BTBD9: variants seen among roughly 807,000 people sequenced by gnomAD.
BTBD9 encodes BTB domain containing 9.
Under a neutral mutation model 64.3 loss-of-function variants are expected in BTBD9, and 49 were observed. The observed-to-expected ratio is 0.76, with a 90% CI of 0.61 to 0.97. The LOEUF (loss-of-function observed/expected upper bound fraction) is 0.97, where lower values mean the gene tolerates loss of function less well. Among genes scored for constraint, BTBD9 ranks in the 50% least tolerant of loss-of-function variants. The pLI, the probability that BTBD9 is intolerant of heterozygous loss-of-function variation, is 0.00. For synonymous variants in BTBD9, 260 were observed against 274.7 expected (o/e 0.95, Z 0.53); for missense variants, 598 against 762.1 (o/e 0.78, Z 2.53).
chr6:38,380,837 C>T (rs958353295), intron 6 of BTBD9, among the ~76,000 whole-genome samples: 4 of 151,994 alleles, frequency 2.6e-5, no homozygotes, highest in Non-Finnish European at 4.4e-5. Flanking sequence ...AGAGCGAGAC[C>T]CTGTCTCTAC....
At position 38,168,812 on chromosome 6, in the gene BTBD9, C is replaced by T. The variant is rs2127463612; in HGVS notation, c.*6173G>A. ...GAATCCGGATTCAAGACAGGCTTCG[C>T]AAAAGCAGCTCTTGGGCCGAGCTCC... On this transcript the variant is annotated 3_prime_UTR_variant, in exon 11 of 11. Coordinates refer to ENST00000481247, the MANE Select transcript of BTBD9 (RefSeq NM_001099272.2). 1 of 152,396 alleles carries T rather than the reference C, an allele frequency of 6.6e-6. No homozygotes were observed. Among genetic ancestry groups the T allele is most frequent in the South Asian group, 2.1e-4 (1 of 4,832 alleles). The allele number at this position is 152,396 out of a possible 1,614,324, so 9.4% of individuals were successfully genotyped here.
At chr6:38,369,580 C>G (rs1425268850) in intron 6 of BTBD9, among the ~76,000 whole-genome samples, 2 of 152,164 alleles carry the variant, frequency 1.3e-5, no homozygotes, top group African/African-American at 4.8e-5. Context: ...TGATTGCTCT[C>G]GTGAACAAAA....
At chr6:38,228,841 T>G (rs1763502038) in intron 9 of BTBD9, among the ~76,000 whole-genome samples, 1 of 150,490 alleles carries the variant, frequency 6.6e-6, no homozygotes, top group Admixed American at 6.6e-5. Flanking sequence ...GCCACTGTAC[T>G]CCAGCCCAGC....
At chr6:38,350,905 C>G (rs1764477845) in intron 6 of BTBD9, among the ~76,000 whole-genome samples, 1 of 152,192 alleles carries the variant, frequency 6.6e-6, no homozygotes. Context: ...AGATTATACA[C>G]AAATAATTCT....
At chr6:38,515,342 C>A (rs1772973223) in intron 6 of BTBD9, among the ~76,000 whole-genome samples, 1 of 152,212 alleles carries the variant, frequency 6.6e-6, no homozygotes, top group East Asian at 1.9e-4. Context: ...ATGACAACTT[C>A]ATACAAACAG....
At chr6:38,269,194 G>GA in intron 8 of BTBD9, among the ~76,000 whole-genome samples, 1 of 152,152 alleles carries the variant, frequency 6.6e-6, no homozygotes, top group African/African-American at 2.4e-5. Context: ...ACATTAATGA[G>GA]AAAAATAATA....
At chr6:38,358,074 G>C (rs1764803058) in intron 6 of BTBD9, among the ~76,000 whole-genome samples, 1 of 151,970 alleles carries the variant, frequency 6.6e-6, no homozygotes, top group Non-Finnish European at 1.5e-5. Context: ...TTCCTACTGA[G>C]TAAAAATAAA....
At chr6:38,505,313 T>G (rs1251534204) in intron 6 of BTBD9, among the ~76,000 whole-genome samples, 1 of 152,166 alleles carries the variant, frequency 6.6e-6, no homozygotes, top group Non-Finnish European at 1.5e-5. Flanking sequence ...CATATCTACA[T>G]TCAGTTGCCA....
At chr6:38,378,437 T>C (rs1045636048) in intron 6 of BTBD9, among the ~76,000 whole-genome samples, 1 of 145,610 alleles carries the variant, frequency 6.9e-6, no homozygotes, top group African/African-American at 2.5e-5. Context: ...AGAGACGGGG[T>C]TTCACCATGT....
intron 6 of BTBD9, among the ~76,000 whole-genome samples, chr6:38,462,280 A>G (rs914795962): frequency 6.6e-6 from 1 of 152,210 alleles, no homozygotes; most frequent in African/African-American, 2.4e-5. Context: ...TTTCCTAAAG[A>G]AAGTTTATAA....
chr6:38,483,617 T>C (rs1037509223), intron 6 of BTBD9, among the ~76,000 whole-genome samples: 5 of 152,236 alleles, frequency 3.3e-5, no homozygotes, highest in Middle Eastern at 3.4e-3. Context: ...TCTGCCCTCA[T>C]TGCTAAACAT....
Position 38,204,986 on chromosome 6 carries a change from T to A in BTBD9, c.1563-12389A>T, listed in dbSNP as rs549683660. On this transcript the variant is annotated intron_variant, in intron 9 of 10. Transcript: ENST00000481247. ...TAAAACTATGAGCGACATAAATAAT[T>A]CAACAAATGGGTTAGAAAGTTAAGT... 2.0e-5 allele frequency among the ~76,000 whole-genome samples: 3 copies of A among 152,152 alleles called. No individual in the cohort carries two copies. In the South Asian group the frequency reaches 6.2e-4, roughly 32 times the overall value.
rs867445241 is a variant in BTBD9, at chr6:38,174,099, G to A, written c.*886C>T. On this transcript the variant is annotated 3_prime_UTR_variant, in exon 11 of 11. Coordinates refer to ENST00000481247, the MANE Select transcript of BTBD9 (RefSeq NM_001099272.2). ...GCCACGGCAGTCCCCGGCAGGTTTG[G>A]CCACGCCAGAACTCGGTATATGTTT... 1.2e-4 allele frequency: 19 copies of A among 152,232 alleles called. No individual in the cohort carries two copies. Among genetic ancestry groups the A allele is most frequent in the African/African-American group, 3.4e-4 (14 of 41,456 alleles). The allele number at this position is 152,232 out of a possible 1,614,324, so 9.4% of individuals were successfully genotyped here.
In BTBD9 at chr6:38,431,884, A is replaced by T. The variant is rs186598598; in HGVS notation, c.1155-86791T>A. The stretch of plus-strand genomic sequence containing the variant: ...ATTTGGAATACAATTTAACCCTGCG[A>T]CATGGCCTACAGGGGTCTTGCTATG... On this transcript the variant is annotated intron_variant, in intron 6 of 10. Transcript: ENST00000481247. Among the ~76,000 whole-genome samples the T allele has an allele frequency of 2.9e-3, 443 of 152,068 alleles. 18 individuals carry two copies. Among genetic ancestry groups the T allele is most frequent in the African/African-American group, 0.011 (434 of 41,332 alleles).
intron 6 of BTBD9, among the ~76,000 whole-genome samples, chr6:38,485,895 A>G (rs184247532): frequency 3.7e-4 from 56 of 152,296 alleles, no homozygotes; most frequent in African/African-American, 1.3e-3. Flanking sequence ...TCTTCTTCCA[A>G]TAGGAGGCTA....
intron 6 of BTBD9, among the ~76,000 whole-genome samples, chr6:38,349,193 A>AT (rs202027077): frequency 1.3e-3 from 195 of 151,830 alleles, no homozygotes; most frequent in African/African-American, 4.6e-3. Flanking sequence ...TGACCCCCAA[A>AT]TTTTTTTTTA....
intron 6 of BTBD9, among the ~76,000 whole-genome samples, chr6:38,494,963 G>A (rs1175876516): frequency 1.3e-5 from 2 of 152,140 alleles, no homozygotes; most frequent in African/African-American, 2.4e-5. Flanking sequence ...GCATTGCCCC[G>A]GATCCTATAC....
chr6:38,521,968 C>T (rs565549806), intron 6 of BTBD9, among the ~76,000 whole-genome samples: 3 of 152,190 alleles, frequency 2.0e-5, no homozygotes, highest in African/African-American at 7.2e-5. Context: ...AGCTACCACA[C>T]CCAGCCCCTC....
chr6:38,219,129 CTTTTTTTTTTTT>C (rs5875622), intron 9 of BTBD9, among the ~76,000 whole-genome samples: 3 of 70,894 alleles, frequency 4.2e-5, no homozygotes, highest in African/African-American at 1.3e-4. Context: ...ACTTTCTTTT[CTTTTTTTTTTTT>C]TTTTTTTTTT....
Sources: gnomAD v4.1 joint callset for allele counts (sites outside exome capture counted in the v4.1 genomes callset) on GRCh38, gnomAD v4.1.1 for gene constraint, MANE v1.5 for transcripts, NCBI Gene and HGNC (gene_info 2026-07-23, HGNC 2026-07-21) for gene names.